CNTN1: variants seen among roughly 807,000 people sequenced by gnomAD.
CNTN1 encodes the protein contactin 1, also known as contactin-1.
In CNTN1, 38 loss-of-function variants were observed where a neutral mutation model predicts 126.4. The observed-to-expected ratio is 0.30, with a 90% CI of 0.23 to 0.39. CNTN1 has a LOEUF of 0.39. Among genes scored for constraint, CNTN1 ranks in the 10% least tolerant of loss-of-function variants. CNTN1 has a pLI of 1.00. For synonymous variants in CNTN1, 413 were observed against 422.6 expected (o/e 0.98, Z 0.28); for missense variants, 1,009 against 1,248.4 (o/e 0.81, Z 2.89).
chr12:40,821,364 T>C (rs2136527837), intron 1 of CNTN1, among the ~76,000 whole-genome samples: 1 of 152,330 alleles, frequency 6.6e-6, no homozygotes, highest in East Asian at 1.9e-4. Context: ...TCCAGGAGCA[T>C]TTAGTCACTT....
intron 14 of CNTN1, among the ~76,000 whole-genome samples, chr12:40,945,903 C>A (rs754362419): frequency 6.6e-6 from 1 of 152,012 alleles, no homozygotes; most frequent in African/African-American, 2.4e-5. Context: ...GAGTCCTGAC[C>A]GCAGGCTCAC....
At chr12:40,790,607 A>G (rs1940183273) in intron 1 of CNTN1, among the ~76,000 whole-genome samples, 1 of 152,062 alleles carries the variant, frequency 6.6e-6, no homozygotes, top group African/African-American at 2.4e-5. Flanking sequence ...CACTGAAAAT[A>G]CCAGGGATAC....
At chr12:40,872,319 G>C (rs145613515) in intron 1 of CNTN1, among the ~76,000 whole-genome samples, 162 of 150,866 alleles carry the variant, frequency 1.1e-3, no homozygotes, top group African/African-American at 3.7e-3. Context: ...AAAACTTTTA[G>C]TGTATAGTTA....
intron 1 of CNTN1, among the ~76,000 whole-genome samples, chr12:40,741,248 C>T (rs1260826366): frequency 6.6e-6 from 1 of 152,074 alleles, no homozygotes; most frequent in Non-Finnish European, 1.5e-5. Context: ...TGACTATGTC[C>T]TTACACTGGT....
At chr12:40,706,709 A>G (rs540729663) in intron 1 of CNTN1, among the ~76,000 whole-genome samples, 2 of 152,312 alleles carry the variant, frequency 1.3e-5, no homozygotes, top group African/African-American at 4.8e-5. Context: ...TTGTCTATTT[A>G]TTAGCAGATG....
intron 19 of CNTN1, among the ~76,000 whole-genome samples, chr12:41,018,308 G>A (rs1166844397): frequency 1.3e-5 from 2 of 152,068 alleles, no homozygotes; most frequent in African/African-American, 4.8e-5. Flanking sequence ...ATCATTAGAG[G>A]AAATGGGCTC....
At chr12:40,995,300 G>A (rs1425725140) in intron 17 of CNTN1, among the ~76,000 whole-genome samples, 4 of 152,040 alleles carry the variant, frequency 2.6e-5, no homozygotes, top group African/African-American at 9.7e-5. Flanking sequence ...GATCACAGTA[G>A]CATTTTAATG....
chr12:40,919,860 A>T (rs1039078350), intron 4 of CNTN1, among the ~76,000 whole-genome samples: 1 of 152,172 alleles, frequency 6.6e-6, no homozygotes, highest in African/African-American at 2.4e-5. Context: ...TGTTCTCAAA[A>T]TATTTGATGG....
chr12:40,753,302 A>G (rs539043541), intron 1 of CNTN1, among the ~76,000 whole-genome samples: 166 of 152,286 alleles, frequency 1.1e-3, no homozygotes, highest in African/African-American at 3.6e-3. Flanking sequence ...TGCTGAAGAA[A>G]ATTACAATGA....
intron 23 of CNTN1, among the ~76,000 whole-genome samples, chr12:41,033,805 G>A (rs1396299423): frequency 2.6e-5 from 4 of 151,502 alleles, no homozygotes; most frequent in African/African-American, 4.9e-5. Context: ...TTGGGAGGCC[G>A]AGGCAAGCGG....
intron 22 of CNTN1, 28 bp from the exon 23 acceptor site, chr12:41,029,035 G>T (rs1381616661): frequency 6.2e-7 from 1 of 1,609,858 alleles, no homozygotes; most frequent in Admixed American, 1.7e-5. Flanking sequence ...TGACTTTACT[G>T]CATATTTACA....
intron 1 of CNTN1, among the ~76,000 whole-genome samples, chr12:40,710,790 A>C (rs987146312): frequency 6.6e-6 from 1 of 152,176 alleles, no homozygotes; most frequent in African/African-American, 2.4e-5. Context: ...ATTTCTAAAA[A>C]GAATACTGCA....
At chr12:40,996,207 C>T (rs190974985) in intron 17 of CNTN1, among the ~76,000 whole-genome samples, 129 of 151,890 alleles carry the variant, frequency 8.5e-4, no homozygotes, top group Non-Finnish European at 1.5e-3. Context: ...TCACAGCTCA[C>T]TGCAGCCTCG....
At chr12:40,734,923 A>C (rs1298880565) in intron 1 of CNTN1, among the ~76,000 whole-genome samples, 1 of 152,122 alleles carries the variant, frequency 6.6e-6, no homozygotes, top group Non-Finnish European at 1.5e-5. Flanking sequence ...TTATTTCAGT[A>C]AAGTTAGAGC....
At chr12:40,875,773 C>G (rs1008335093) in intron 1 of CNTN1, among the ~76,000 whole-genome samples, 1 of 151,918 alleles carries the variant, frequency 6.6e-6, no homozygotes, top group Non-Finnish European at 1.5e-5. Context: ...TGAAGGATAT[C>G]TGGATTGTTT....
chr12:40,782,799 A>C (rs1278992106), intron 1 of CNTN1, among the ~76,000 whole-genome samples: 1 of 151,998 alleles, frequency 6.6e-6, no homozygotes, highest in African/African-American at 2.4e-5. Flanking sequence ...AAGAATCCAC[A>C]ATCTATATGG....
chr12:40,787,970 T>TAGC (rs1236837845), intron 1 of CNTN1, among the ~76,000 whole-genome samples: 1 of 152,196 alleles, frequency 6.6e-6, no homozygotes, highest in Non-Finnish European at 1.5e-5. Context: ...TGCAAACTAC[T>TAGC]AGCTGTGGTT....
intron 6 of CNTN1, among the ~76,000 whole-genome samples, chr12:40,928,282 AATGTACT>A (rs1382376726): frequency 6.6e-6 from 1 of 152,038 alleles, no homozygotes; most frequent in Non-Finnish European, 1.5e-5. Context: ...TCTTCTTTTA[AATGTACT>A]ATACATATCA....
chr12:40,735,541 T>G (rs1050512753), intron 1 of CNTN1, among the ~76,000 whole-genome samples: 1 of 152,118 alleles, frequency 6.6e-6, no homozygotes, highest in African/African-American at 2.4e-5. Context: ...TTCAAAGATA[T>G]AAGGGAATCC....
Sources: gnomAD v4.1 joint callset for allele counts (sites outside exome capture counted in the v4.1 genomes callset) on GRCh38, gnomAD v4.1.1 for gene constraint, MANE v1.5 for transcripts, NCBI Gene and HGNC (gene_info 2026-07-23, HGNC 2026-07-21) for gene names.